The following SRD5A2 variants were observed in gnomAD, a reference collection of about 807,000 sequenced individuals.
The protein encoded by SRD5A2 is steroid 5 alpha-reductase 2.
A neutral mutation model predicts 27.4 loss-of-function variants in SRD5A2; 30 were observed. The observed-to-expected ratio is 1.10, with a 90% CI of 0.82 to 1.49. The LOEUF (loss-of-function observed/expected upper bound fraction) is 1.49, where lower values mean the gene tolerates loss of function less well. Ranked by LOEUF, SRD5A2 falls within the 40% of genes most tolerant of loss-of-function variation. SRD5A2 has a pLI of 0.00. For synonymous variants in SRD5A2, 141 were observed against 133.6 expected, an observed-to-expected ratio of 1.06 and a Z score of -0.38; for missense variants, 348 against 323.4, an observed-to-expected ratio of 1.08 and a Z score of -0.58.
the SRD5A2 span, among the ~76,000 whole-genome samples, chr2:31,645,229 G>T: frequency 6.6e-6 from 1 of 152,076 alleles, no homozygotes; most frequent in Non-Finnish European, 1.5e-5. Context: ...TAGAAAAAAT[G>T]AATAAGACCT....
chr2:31,637,251 G>A, the SRD5A2 span, among the ~76,000 whole-genome samples: 3 of 152,092 alleles, frequency 2.0e-5, no homozygotes, highest in South Asian at 4.2e-4. Context: ...TTTCCAACTT[G>A]TTGGTTTGTA....
At chr2:31,618,457 AATATG>A in the SRD5A2 span, among the ~76,000 whole-genome samples, 2 of 152,202 alleles carry the variant, frequency 1.3e-5, no homozygotes, top group African/African-American at 4.8e-5. Context: ...GGACAAAGAA[AATATG>A]ATATATATAC....
chr2:31,601,349 C>T, the SRD5A2 span, among the ~76,000 whole-genome samples: 1 of 151,814 alleles, frequency 6.6e-6, no homozygotes, highest in African/African-American at 2.4e-5. Flanking sequence ...ACACATACAC[C>T]CTTCCAAGAC....
chr2:31,527,280 A>C (rs184703383), intron 4 of SRD5A2, among the ~76,000 whole-genome samples: 5 of 152,334 alleles, frequency 3.3e-5, no homozygotes. Context: ...TCCTCAAGGC[A>C]TAATCAAGAT....
At chr2:31,562,450 C>T (rs1023315298) in intron 1 of SRD5A2, among the ~76,000 whole-genome samples, 3 of 152,066 alleles carry the variant, frequency 2.0e-5, no homozygotes, top group Non-Finnish European at 2.9e-5. Flanking sequence ...TGTAGTCAGT[C>T]TGTATCAAAT....
At chr2:31,603,826 A>T in the SRD5A2 span, among the ~76,000 whole-genome samples, 1 of 151,952 alleles carries the variant, frequency 6.6e-6, no homozygotes. Context: ...TCTCACTTAC[A>T]TGTGGGAACT....
chr2:31,548,234 A>G (rs57490362), intron 1 of SRD5A2, among the ~76,000 whole-genome samples: 6 of 152,294 alleles, frequency 3.9e-5, no homozygotes, highest in African/African-American at 1.4e-4. Flanking sequence ...AAAAGAAAAA[A>G]CAGAAAAACT....
At chr2:31,579,388 T>C (rs1290406746) in intron 1 of SRD5A2, among the ~76,000 whole-genome samples, 3 of 152,242 alleles carry the variant, frequency 2.0e-5, no homozygotes, top group Non-Finnish European at 4.4e-5. Flanking sequence ...TCCTAATTTC[T>C]AATCCAAACT....
At chr2:31,591,647 T>C in the SRD5A2 span, among the ~76,000 whole-genome samples, 3 of 151,808 alleles carry the variant, frequency 2.0e-5, no homozygotes, top group African/African-American at 7.3e-5. Flanking sequence ...CGTATGTTTA[T>C]TGCATCACTA....
At chr2:31,598,282 T>A in the SRD5A2 span, among the ~76,000 whole-genome samples, 6 of 151,918 alleles carry the variant, frequency 3.9e-5, no homozygotes, top group Non-Finnish European at 7.4e-5. Flanking sequence ...TATAATGGGC[T>A]CTGGGGACTC....
chr2:31,523,251 G>A lies in SRD5A2; in HGVS notation c.*2945C>T, dbSNP rs112812667. The stretch of plus-strand genomic sequence containing the variant: ...AAGGGCATGAGCCTGGTGCTCCCAC[G>A]GAGCGAGGGAAGCCTCACACACAAA... On this transcript the variant is annotated 3_prime_UTR_variant, in exon 5 of 5. Transcript: ENST00000622030. The A allele has an allele frequency of 1.0e-3, 218 of 216,030 alleles. No individual in the cohort carries two copies. The highest frequency in any genetic ancestry group is 4.3e-3 in the Middle Eastern group (3 of 698). The allele number at this position is 216,030 out of a possible 1,614,324, so 13.4% of individuals were successfully genotyped here.
chr2:31,560,064 CCCCCT>C (rs1666589166), intron 1 of SRD5A2, among the ~76,000 whole-genome samples: 1 of 145,506 alleles, frequency 6.9e-6, no homozygotes, highest in Non-Finnish European at 1.5e-5. Context: ...ATCCCCCCCC[CCCCCT>C]TTTTTTAAAA....
the SRD5A2 span, among the ~76,000 whole-genome samples, chr2:31,605,075 G>C: frequency 6.6e-6 from 1 of 151,842 alleles, no homozygotes; most frequent in African/African-American, 2.4e-5. Context: ...TCAATAAATG[G>C]TGTTGGGAAA....
chr2:31,662,575 G>A, the SRD5A2 span, among the ~76,000 whole-genome samples: 2 of 152,024 alleles, frequency 1.3e-5, no homozygotes, highest in Admixed American at 1.3e-4. Context: ...CAAAGTTCTT[G>A]GATTACAAGC....
chr2:31,602,550 A>C, the SRD5A2 span, among the ~76,000 whole-genome samples: 1 of 152,080 alleles, frequency 6.6e-6, no homozygotes, highest in Non-Finnish European at 1.5e-5. Flanking sequence ...AGAATTAGAA[A>C]AAACTATTTA....
the SRD5A2 span, among the ~76,000 whole-genome samples, chr2:31,634,893 CCATTGGGTAT>C: frequency 6.6e-6 from 1 of 152,112 alleles, no homozygotes; most frequent in East Asian, 1.9e-4. Context: ...GAATAATATT[CCATTGGGTAT>C]ATGTAGCACA....
chr2:31,583,652 C>CAAA (rs1352139998), upstream of SRD5A2, among the ~76,000 whole-genome samples: 1,082 of 20,804 alleles, frequency 0.052, 94 homozygotes, highest in African/African-American at 0.14. Context: ...AAAAAAAAAC[C>CAAA]AAAAAAAAAG....
At chr2:31,603,377 G>A in the SRD5A2 span, among the ~76,000 whole-genome samples, 6 of 151,960 alleles carry the variant, frequency 3.9e-5, no homozygotes, top group Non-Finnish European at 8.8e-5. Context: ...AGTCAGAATG[G>A]CTGTTATTAA....
At chr2:31,532,594 C>T (rs1665934671) in intron 2 of SRD5A2, among the ~76,000 whole-genome samples, 1 of 152,112 alleles carries the variant, frequency 6.6e-6, no homozygotes. Context: ...CAGAAACACT[C>T]ACCGTCCCAC....
Sources: gnomAD v4.1 joint callset for allele counts (sites outside exome capture counted in the v4.1 genomes callset) on GRCh38, gnomAD v4.1.1 for gene constraint, MANE v1.5 for transcripts, NCBI Gene and HGNC (gene_info 2026-07-23, HGNC 2026-07-21) for gene names.